The following AGBL1 variants were observed in gnomAD, a reference collection of about 807,000 sequenced individuals.
AGBL1 encodes cytosolic carboxypeptidase 4.
Under a neutral mutation model 118.9 loss-of-function variants are expected in AGBL1, and 130 were observed. That is an observed-to-expected ratio of 1.09 (90% CI 0.95 to 1.26). The LOEUF (loss-of-function observed/expected upper bound fraction) is 1.26. Among genes scored for constraint, AGBL1 ranks in the 50% most tolerant of loss-of-function variants. The pLI is 0.00. For missense variants in AGBL1, 1,584 were observed against 1,298.1 expected (o/e 1.22, Z -3.38); for synonymous variants, 555 against 478.9 (o/e 1.16, Z -2.08).
At chr15:87,018,315 C>T (rs1176131086) in intron 24 of AGBL1, among the ~76,000 whole-genome samples, 2 of 152,036 alleles carry the variant, frequency 1.3e-5, no homozygotes, top group East Asian at 1.9e-4. Flanking sequence ...ACATAATCAT[C>T]GGATTCTCTA....
intron 18 of AGBL1, among the ~76,000 whole-genome samples, chr15:86,488,884 C>A (rs187213287): frequency 1.3e-5 from 2 of 151,922 alleles, no homozygotes; most frequent in Non-Finnish European, 2.9e-5. Context: ...TACAATTAAT[C>A]CACCAAGCAT....
At position 86,784,619 on chromosome 15, in the gene AGBL1, A is replaced by G. The variant is rs144019799; in HGVS notation, c.3158+110183A>G. Among the ~76,000 whole-genome samples the G allele has an allele frequency of 1.3e-4, 20 of 152,266 alleles. No homozygotes were observed. In the East Asian group the frequency reaches 3.9e-3, roughly 29 times the overall value. On this transcript the variant is annotated intron_variant, in intron 22 of 22. Transcript: ENST00000614907. ...CTGGGCTTTGATTCAGGCTGACCCT[A>G]TTGCTTGATAAAGCTTACTTTTCTT...
chr15:86,270,075 C>G lies in AGBL1; in HGVS notation c.1987+8C>G. The G allele has an allele frequency of 1.2e-6, 2 of 1,607,254 alleles. No individual in the cohort carries two copies. Among genetic ancestry groups the G allele is most frequent in the Non-Finnish European group, 1.7e-6 (2 of 1,176,830 alleles). On this transcript the variant is annotated splice_region_variant and intron_variant, in intron 14 of 22. Transcript: ENST00000614907. Reference sequence around the variant, plus strand: ...ACAGCCAGTTTAATTATGGTATGAACGCTTGGGGAGCAGGGGCTTTCTGGA... The same window carrying G: ...ACAGCCAGTTTAATTATGGTATGAAGGCTTGGGGAGCAGGGGCTTTCTGGA...
rs536777072 is a variant in AGBL1, at chr15:86,247,674, C to T, written c.530C>T (p.Ser177Leu). The stretch of plus-strand genomic sequence containing the variant: ...CTGCCTTTCCCTTTGTTTTCAGAGT[C>T]GAACGGCCGCAGAGCAGTGAACCGA... ...EVLAALLKSK[S>L]NGRRAVNRGY... Residue 177 changes from serine (S) to leucine (L), a missense_variant, in exon 7 of 23, where the codon TCG becomes TTG. By Grantham distance (145) the Ser-to-Leu change is moderately radical (BLOSUM62 -2). Coordinates refer to ENST00000614907, the MANE Select transcript of AGBL1 (RefSeq NM_001386094.1). The T allele has an allele frequency of 2.8e-5, 45 of 1,598,994 alleles. No homozygotes were observed. In the Middle Eastern group the frequency reaches 5.1e-4, roughly 18 times the overall value.
At chr15:86,468,616 A>AT (rs1305125322) in intron 18 of AGBL1, among the ~76,000 whole-genome samples, 2 of 151,940 alleles carry the variant, frequency 1.3e-5, no homozygotes, top group African/African-American at 2.4e-5. Context: ...TGGAGCTTCC[A>AT]TTTTTTTCAG....
chr15:86,579,036 G>A (rs1395603269), intron 21 of AGBL1, among the ~76,000 whole-genome samples: 1 of 151,892 alleles, frequency 6.6e-6, no homozygotes, highest in Non-Finnish European at 1.5e-5. Flanking sequence ...CCCAGCCTAG[G>A]GTATAACAAA....
intron 18 of AGBL1, among the ~76,000 whole-genome samples, chr15:86,451,381 C>G (rs1443291038): frequency 6.6e-6 from 1 of 152,108 alleles, no homozygotes; most frequent in Non-Finnish European, 1.5e-5. Flanking sequence ...TCTTATATAC[C>G]CATAAAAGTT....
At chr15:86,930,720 C>G (rs1292767549) in intron 23 of AGBL1, among the ~76,000 whole-genome samples, 1 of 152,068 alleles carries the variant, frequency 6.6e-6, no homozygotes, top group Non-Finnish European at 1.5e-5. Context: ...CAATTATTTT[C>G]AAAGTGAGAT....
intron 17 of AGBL1, among the ~76,000 whole-genome samples, chr15:86,389,227 A>G (rs1224814337): frequency 6.6e-6 from 1 of 152,180 alleles, no homozygotes; most frequent in Non-Finnish European, 1.5e-5. Flanking sequence ...CTTGTCTTGG[A>G]AAACATGTAG....
At chr15:86,554,652 TGGTCCTCCC>T in intron 21 of AGBL1, 115 bp downstream of exon 21, 1 of 1,118,472 alleles carries the variant, frequency 8.9e-7, no homozygotes, top group South Asian at 2.7e-5. Context: ...AAGTAGAGTT[TGGTCCTCCC>T]TTGCCTTGAA....
downstream of AGBL1, among the ~76,000 whole-genome samples, chr15:86,916,623 G>T (rs113877600): frequency 0.021 from 3,261 of 152,238 alleles, 73 homozygotes; most frequent in Admixed American, 0.062. Context: ...GCTCTGGCTC[G>T]GTTACTTCAA....
chr15:86,633,852 ATATATATATAATG>A (rs2085029058), intron 21 of AGBL1, among the ~76,000 whole-genome samples: 4 of 35,390 alleles, frequency 1.1e-4, no homozygotes, highest in African/African-American at 5.1e-4. Flanking sequence ...TATAATGTAT[ATATATATATAATG>A]TATATATATA....
At chr15:86,372,748 G>C (rs896483999) in intron 17 of AGBL1, among the ~76,000 whole-genome samples, 1 of 152,222 alleles carries the variant, frequency 6.6e-6, no homozygotes, top group African/African-American at 2.4e-5. Flanking sequence ...ACGCCAGCCT[G>C]GCTGGCTAGA....
chr15:86,455,933 T>A (rs1330208835), intron 18 of AGBL1, among the ~76,000 whole-genome samples: 1 of 152,142 alleles, frequency 6.6e-6, no homozygotes, highest in African/African-American at 2.4e-5. Flanking sequence ...TACCTACCCA[T>A]CCATCCATCG....
rs1298939259 is a variant in AGBL1, at chr15:86,532,018, A to T, written c.2685+9079A>T. Among the ~76,000 whole-genome samples, 5 of 152,008 alleles carry T rather than the reference A, an allele frequency of 3.3e-5. No individual in the cohort carries two copies. In the South Asian group the frequency reaches 6.3e-4, roughly 19 times the overall value. On this transcript the variant is annotated intron_variant, in intron 19 of 22. Coordinates refer to ENST00000614907, the MANE Select transcript of AGBL1 (RefSeq NM_001386094.1). ...CAGCCAATATCATACTGAATGGGAA[A>T]AACTGGAAGCATTCCCTTTGAAAAC...
intron 22 of AGBL1, among the ~76,000 whole-genome samples, chr15:86,707,619 T>C (rs924704263): frequency 2.6e-5 from 4 of 152,164 alleles, no homozygotes; most frequent in Non-Finnish European, 5.9e-5. Flanking sequence ...GTGTAGAGTT[T>C]ACAGAAACCA....
At position 86,087,127 on chromosome 15, in the gene AGBL1, C is replaced by G. The variant is rs147579893; in HGVS notation, c.51+7104C>G. Among the ~76,000 whole-genome samples the G allele has an allele frequency of 1.7e-3, 254 of 152,310 alleles. 2 individuals are homozygous for G. Among genetic ancestry groups the G allele is most frequent in the African/African-American group, 5.6e-3 (234 of 41,576 alleles). ...GAAAGCACTGGATATTACTCCAAAA[C>G]TTGTTTAACACATATTTGTTAGTTG... On this transcript the variant is annotated intron_variant, in intron 1 of 22. Transcript: ENST00000614907.
downstream of AGBL1, among the ~76,000 whole-genome samples, chr15:86,917,644 C>G (rs1164037977): frequency 6.6e-6 from 1 of 151,122 alleles, no homozygotes; most frequent in Non-Finnish European, 1.5e-5. This position sits in a 1 kb window ranked among gnomAD's most constrained non-coding sequence, Gnocchi z 4.8. Context: ...CAGTTGGAGA[C>G]TTCCTTTAGT....
chr15:86,462,316 A>T (rs28537955), intron 18 of AGBL1, among the ~76,000 whole-genome samples: 1 of 152,088 alleles, frequency 6.6e-6, no homozygotes, highest in African/African-American at 2.4e-5. Flanking sequence ...TGTCATCTAC[A>T]CAGACAAGCC....
Sources: gnomAD v4.1 joint callset for allele counts (sites outside exome capture counted in the v4.1 genomes callset) on GRCh38, gnomAD v4.1.1 for gene constraint, Gnocchi (gnomAD v3.1) non-coding constraint, MANE v1.5 for transcripts, NCBI Gene and HGNC (gene_info 2026-07-23, HGNC 2026-07-21) for gene names.